The following SLC25A21 variants were observed in gnomAD, a reference collection of about 807,000 sequenced individuals.
SLC25A21 encodes mitochondrial 2-oxodicarboxylate carrier.
SLC25A21 carries 47 observed loss-of-function variants against 43.8 expected under a neutral mutation model. That is an observed-to-expected ratio of 1.07 (90% CI 0.85 to 1.37). SLC25A21 has a LOEUF of 1.37. SLC25A21 is among the 40% of genes most tolerant of loss of function. The probability of loss-of-function intolerance (pLI) is 0.00; values close to 1 mark genes in which losing one functional copy is unlikely to be tolerated. For missense variants in SLC25A21, 352 were observed against 350.2 expected, an observed-to-expected ratio of 1.00 and a Z score of -0.04; for synonymous variants, 131 against 121.3, an observed-to-expected ratio of 1.08 and a Z score of -0.52.
intron 1 of SLC25A21, among the ~76,000 whole-genome samples, chr14:37,033,811 T>C (rs1961269859): frequency 6.6e-6 from 1 of 152,184 alleles, no homozygotes. Flanking sequence ...TATTCAGATT[T>C]TTAATTTTTT....
In SLC25A21 at chr14:36,678,296, T is replaced by A. The variant is rs1882003806; in HGVS notation, c.*2362A>T. 1.8e-6 allele frequency: 1 copy of A among 561,818 alleles called. No individual in the cohort carries two copies. 34.8% of individuals were successfully genotyped at this position (561,818 alleles called of 1,614,324 possible). A position where few individuals can be genotyped will look rare whatever the true frequency, so the allele number is the denominator to read the frequency against. On this transcript the variant is annotated 3_prime_UTR_variant, in exon 10 of 10. Transcript: ENST00000331299. ...CACAAATTATGTTAGAGTGACTGCTTTTTTCAGACAGCAGATATCTTATAG... is the reference window on the plus strand; with the variant it reads ...CACAAATTATGTTAGAGTGACTGCTATTTTCAGACAGCAGATATCTTATAG...
chr14:37,120,774 T>C (rs370736065), intron 1 of SLC25A21, among the ~76,000 whole-genome samples: 4 of 152,078 alleles, frequency 2.6e-5, no homozygotes, highest in Admixed American at 6.6e-5. Context: ...GGTGTTACCA[T>C]TGGAAAGCTG....
intron 1 of SLC25A21, among the ~76,000 whole-genome samples, chr14:36,960,273 A>G (rs958016084): frequency 2.0e-5 from 3 of 152,264 alleles, no homozygotes; most frequent in African/African-American, 4.8e-5. Context: ...ACACACATAG[A>G]CATGTGTTTG....
chr14:36,854,179 C>T lies in SLC25A21; in HGVS notation c.119+20777G>A, dbSNP rs532581359. On this transcript the variant is annotated intron_variant, in intron 2 of 9. Transcript: ENST00000331299. ...AATGCGACATGATCTCACATTTTAA[C>T]AGAGGGAACCATAAAAACCTAACAT... Among the ~76,000 whole-genome samples, 9 of 152,312 alleles carry T rather than the reference C, an allele frequency of 5.9e-5. No homozygotes were observed. In the South Asian group the frequency reaches 1.9e-3, roughly 32 times the overall value.
At chr14:37,166,034 C>G (rs1317971987) in intron 1 of SLC25A21, among the ~76,000 whole-genome samples, 1 of 152,176 alleles carries the variant, frequency 6.6e-6, no homozygotes, top group Non-Finnish European at 1.5e-5. Context: ...TAGGGGAATT[C>G]TGTCAGACCT....
At chr14:37,121,781 T>G (rs1594803600) in intron 1 of SLC25A21, among the ~76,000 whole-genome samples, 1 of 113,478 alleles carries the variant, frequency 8.8e-6, no homozygotes, top group Admixed American at 1.1e-4. Flanking sequence ...GGAACGAGAC[T>G]CCATCTCAAA....
At chr14:37,016,560 C>T (rs1960861652) in intron 1 of SLC25A21, among the ~76,000 whole-genome samples, 1 of 151,810 alleles carries the variant, frequency 6.6e-6, no homozygotes, top group Admixed American at 6.6e-5. Context: ...TTCTTAAGGG[C>T]CTTAGGATTT....
intron 1 of SLC25A21, among the ~76,000 whole-genome samples, chr14:36,962,437 C>T (rs1959515937): frequency 1.3e-5 from 2 of 152,146 alleles, no homozygotes; most frequent in Admixed American, 1.3e-4. Flanking sequence ...TACATATCTG[C>T]TGTTTTATAT....
In SLC25A21 at chr14:37,043,940, G is replaced by GTTTT. The variant is rs59081965; in HGVS notation, c.70+128337_70+128340dup. ...TGTTTTGTTTGTTTTATGTTTTTTTGTTTTTTTTTTTTTTTTTGGTGGAGA... is the reference window on the plus strand; with the variant it reads ...TGTTTTGTTTGTTTTATGTTTTTTTGTTTTTTTTTTTTTTTTTTTTTGGTGGAGA... On this transcript the variant is annotated intron_variant, in intron 1 of 9. Coordinates refer to ENST00000331299, the MANE Select transcript of SLC25A21 (RefSeq NM_030631.4). 4.6e-3 allele frequency among the ~76,000 whole-genome samples: 260 copies of GTTTT among 56,670 alleles called. 1 individual carries two copies. The highest frequency in any genetic ancestry group is 0.016 in the African/African-American group (234 of 14,362). 37.2% of individuals were successfully genotyped at this position (56,670 alleles called of 152,430 possible).
intron 7 of SLC25A21, among the ~76,000 whole-genome samples, chr14:36,697,743 T>A (rs529721361): frequency 7.1e-6 from 1 of 140,802 alleles, no homozygotes; most frequent in South Asian, 2.3e-4. Context: ...CCCTACTTTT[T>A]TTTTTTGCTT....
At chr14:37,137,968 T>C (rs1012198) in intron 1 of SLC25A21, among the ~76,000 whole-genome samples, 142,588 of 152,270 alleles carry the variant, frequency 0.94, 66,956 homozygotes, top group East Asian at 1. Context: ...TATTAGTATT[T>C]GCCTTTAAAG....
chr14:37,164,449 TCAAA>T (rs1264516255), intron 1 of SLC25A21, among the ~76,000 whole-genome samples: 1 of 152,164 alleles, frequency 6.6e-6, no homozygotes, highest in Non-Finnish European at 1.5e-5. Context: ...CTATTTATTA[TCAAA>T]CAATTACAGT....
chr14:36,849,684 C>T (rs923907090), intron 2 of SLC25A21, among the ~76,000 whole-genome samples: 2 of 152,102 alleles, frequency 1.3e-5, no homozygotes, highest in Non-Finnish European at 2.9e-5. Flanking sequence ...AAGCTTGAAG[C>T]TGTGCCAATA....
At chr14:36,773,276 C>A (rs561366400) in intron 3 of SLC25A21, among the ~76,000 whole-genome samples, 1 of 152,060 alleles carries the variant, frequency 6.6e-6, no homozygotes, top group Admixed American at 6.5e-5. Flanking sequence ...GAGTCAGACC[C>A]GTCAGACTCT....
intron 9 of SLC25A21, 129 bp from the exon 10 acceptor site, chr14:36,680,848 G>A: frequency 1.6e-6 from 1 of 621,354 alleles, no homozygotes; most frequent in East Asian, 3.0e-5. Context: ...CAACAGTTCT[G>A]GAGCTTCAAT....
At chr14:36,799,360 G>A (rs1191275208) in intron 3 of SLC25A21, among the ~76,000 whole-genome samples, 2 of 152,108 alleles carry the variant, frequency 1.3e-5, no homozygotes, top group Admixed American at 6.6e-5. Flanking sequence ...TTGTGGCCCC[G>A]AGCAATTTGG....
At chr14:37,092,226 T>C (rs1962600294) in intron 1 of SLC25A21, among the ~76,000 whole-genome samples, 1 of 152,156 alleles carries the variant, frequency 6.6e-6, no homozygotes, top group Non-Finnish European at 1.5e-5. Context: ...CCTTGTAACA[T>C]GGTAAGCCAA....
chr14:37,025,858 A>T (rs2138760588), intron 1 of SLC25A21, among the ~76,000 whole-genome samples: 1 of 152,210 alleles, frequency 6.6e-6, no homozygotes, highest in South Asian at 2.1e-4. Flanking sequence ...CTTTTTTCTT[A>T]AAAGAAAAGA....
intron 3 of SLC25A21, among the ~76,000 whole-genome samples, chr14:36,771,523 T>A (rs952759243): frequency 6.6e-6 from 1 of 152,090 alleles, no homozygotes; most frequent in Non-Finnish European, 1.5e-5. Context: ...GGTTCATGGG[T>A]GACGCAAGGA....
Sources: gnomAD v4.1 joint callset for allele counts (sites outside exome capture counted in the v4.1 genomes callset) on GRCh38, gnomAD v4.1.1 for gene constraint, MANE v1.5 for transcripts, NCBI Gene and HGNC (gene_info 2026-07-23, HGNC 2026-07-21) for gene names.